Variants in WNK3 observed in about 807,000 individuals in gnomAD.
The protein encoded by WNK3 is WNK lysine deficient protein kinase 3, also known as serine/threonine-protein kinase WNK3.
WNK3 carries 18 observed loss-of-function variants against 116.7 expected under a neutral mutation model. That is an observed-to-expected ratio of 0.15 (90% CI 0.11 to 0.23). The LOEUF (loss-of-function observed/expected upper bound fraction) is 0.23, where lower values mean the gene tolerates loss of function less well. Among genes scored for constraint, WNK3 ranks in the 10% least tolerant of loss-of-function variants. The pLI, the probability that WNK3 is intolerant of heterozygous loss-of-function variation, is 1.00. For synonymous variants in WNK3, 404 were observed against 469.4 expected, an observed-to-expected ratio of 0.86 and a Z score of 1.80; for missense variants, 993 against 1,323.8, an observed-to-expected ratio of 0.75 and a Z score of 3.88.
chrX:54,194,540 C>T (rs1265735749), exon 24 of WNK3: 1 of 111,717 alleles, frequency 9.0e-6, no homozygotes, highest in Non-Finnish European at 1.9e-5. Context: ...CTAACTCCTA[C>T]ACCTAAATCC....
chrX:54,295,694 A>G (rs1259196839), intron 7 of WNK3, among the ~76,000 whole-genome samples: 1 of 111,158 alleles, frequency 9.0e-6, no homozygotes, highest in Non-Finnish European at 1.9e-5. Context: ...ATTTTATTTG[A>G]TTTGTTTTTG....
chrX:54,326,672 A>C (rs2069109540), intron 2 of WNK3, among the ~76,000 whole-genome samples: 2 of 110,878 alleles, frequency 1.8e-5, no homozygotes, highest in Non-Finnish European at 3.8e-5. Flanking sequence ...GCCTCTAAAA[A>C]AAAATAATAA....
At chrX:54,338,385 A>G (rs1694165118) in intron 1 of WNK3, among the ~76,000 whole-genome samples, 1 of 108,783 alleles carries the variant, frequency 9.2e-6, no homozygotes, top group African/African-American at 3.3e-5. Flanking sequence ...TCACGTCACC[A>G]CATTCCAGCC....
chrX:54,237,204 T>G (rs2067971609), exon 20 of WNK3: 4 of 1,210,541 alleles, frequency 3.3e-6, no homozygotes, highest in Middle Eastern at 4.6e-4. Context: ...TAAGCAACAG[T>G]TCAGATCCAG....
In WNK3 at chrX:54,239,134, AC is replaced by A; in HGVS notation, c.3652-36del. On this transcript the variant is annotated intron_variant, in intron 17 of 23. Coordinates refer to ENST00000354646, the Ensembl canonical transcript of WNK3. The stretch of plus-strand genomic sequence containing the variant: ...ACAAAACAAAACAAAACAAAACAAA[AC>A]AAAACAAAACAAAACAAAACAACCG... 3 of 902,803 alleles carry A rather than the reference AC, an allele frequency of 3.3e-6. No homozygotes were observed. In the South Asian group the frequency reaches 1.2e-4, roughly 35 times the overall value. The allele number at this position is 902,803 out of a possible 1,213,427, so 74.4% of individuals were successfully genotyped here.
chrX:54,345,025 G>A (rs1180496246), intron 1 of WNK3, among the ~76,000 whole-genome samples: 11 of 109,373 alleles, frequency 1.0e-4, no homozygotes, highest in East Asian at 2.9e-4. Context: ...CGAGGCGGGC[G>A]GATCACGAGG....
chrX:54,267,175 A>T (rs782809758), intron 10 of WNK3, among the ~76,000 whole-genome samples: 2 of 111,707 alleles, frequency 1.8e-5, no homozygotes, highest in Non-Finnish European at 3.8e-5. Context: ...TCAATGATAG[A>T]CTGGATAAAG....
intron 22 of WNK3, among the ~76,000 whole-genome samples, chrX:54,213,378 C>T (rs1276367282): frequency 9.3e-6 from 1 of 107,538 alleles, no homozygotes; most frequent in Non-Finnish European, 1.9e-5. Flanking sequence ...CATGGTGAAA[C>T]CGAGTCTCTA....
At position 54,248,887 on chromosome X, in the gene WNK3, G is replaced by T. The variant is rs1557153313; in HGVS notation, c.3461C>A (p.Ser1154Tyr). ...GGCTATGACTTCTGTCACTGGACAGGAGAGGGTATCTTCAGCAGAGGAAGA... is the reference window on the plus strand; with the variant it reads ...GGCTATGACTTCTGTCACTGGACAGTAGAGGGTATCTTCAGCAGAGGAAGA... Residue 1154 changes from serine to tyrosine, a missense_variant, in exon 17 of 24, where the codon TCC (serine) becomes TAC (tyrosine). Physicochemically the swap from Ser to Tyr is moderately radical, Grantham distance 144. This residue lies in a region of WNK3 where 836 missense variants were observed against 976.5 expected (regional missense o/e 0.86). Transcript: ENST00000354646. The T allele has an allele frequency of 4.1e-6, 5 of 1,209,965 alleles. No homozygotes were observed. The Admixed American group carries it at 6.6e-5, about 16-fold the overall frequency.
intron 17 of WNK3, among the ~76,000 whole-genome samples, chrX:54,246,239 T>C (rs1321405116): frequency 9.0e-6 from 1 of 110,825 alleles, no homozygotes; most frequent in Non-Finnish European, 1.9e-5. Context: ...CAAAAATAGG[T>C]TGCTATGAAA....
exon 24 of WNK3, chrX:54,197,952 TAAA>T (rs782069866): frequency 1.9e-3 from 165 of 86,921 alleles, no homozygotes; most frequent in Middle Eastern, 0.011. Flanking sequence ...TAGCAGCAGT[TAAA>T]AAAAAAAAAA....
chrX:54,341,627 G>A (rs1401542282), intron 1 of WNK3, among the ~76,000 whole-genome samples: 2 of 110,996 alleles, frequency 1.8e-5, no homozygotes, highest in African/African-American at 3.3e-5. Context: ...AAAAAGGAAT[G>A]GAGTATTGAT....
Position 54,213,976 on chromosome X carries a change from G to GA in WNK3, c.4871-11784dup, listed in dbSNP as rs1176303011. Among the ~76,000 whole-genome samples, 11 of 109,416 alleles carry GA rather than the reference G, an allele frequency of 1.0e-4. No individual in the cohort carries two copies. The East Asian group carries it at 1.7e-3, about 17-fold the overall frequency. On this transcript the variant is annotated intron_variant, in intron 22 of 23. Transcript: ENST00000354646. ...CTATTGAAGAGTTTGATTTATTTTT[G>GA]AAAAAAAAATTTTTTTTTGAGATGG...
Position 54,306,965 on chromosome X carries a change from C to T in WNK3, c.1089+957G>A, listed in dbSNP as rs782553815. Among the ~76,000 whole-genome samples, 5 of 110,051 alleles carry T rather than the reference C, an allele frequency of 4.5e-5. No homozygotes were observed. The South Asian group carries it at 1.6e-3, about 35-fold the overall frequency. ...TTAATTTTGGCCAGGCGCGGTGGCTCACACCTGTAATCCCAGCACTTTGGG... is the reference window on the plus strand; with the variant it reads ...TTAATTTTGGCCAGGCGCGGTGGCTTACACCTGTAATCCCAGCACTTTGGG... On this transcript the variant is annotated intron_variant, in intron 5 of 23. Coordinates refer to ENST00000354646, the Ensembl canonical transcript of WNK3.
chrX:54,255,458 A>G (rs2068181609), intron 12 of WNK3, among the ~76,000 whole-genome samples: 1 of 112,224 alleles, frequency 8.9e-6, no homozygotes. Flanking sequence ...TCAATAATGT[A>G]AAACACTACA....
At chrX:54,323,425 C>T (rs1280506236) in intron 2 of WNK3, among the ~76,000 whole-genome samples, 2 of 110,550 alleles carry the variant, frequency 1.8e-5, no homozygotes, top group East Asian at 5.7e-4. Context: ...TTTGGGAGGC[C>T]GAGGCAGGAG....
At chrX:54,251,217 C>A (rs1043537670) in intron 15 of WNK3, among the ~76,000 whole-genome samples, 182 bp downstream of exon 15, 2 of 111,726 alleles carry the variant, frequency 1.8e-5, no homozygotes, top group South Asian at 7.5e-4. Flanking sequence ...AAAGAACCAA[C>A]ACTTGGGGAA....
intron 22 of WNK3, among the ~76,000 whole-genome samples, chrX:54,202,965 G>A (rs1557142007): frequency 9.0e-6 from 1 of 111,423 alleles, no homozygotes; most frequent in Non-Finnish European, 1.9e-5. Flanking sequence ...ATTACCAGCA[G>A]AGACAGGCCT....
At chrX:54,243,420 CAAAAAA>C (rs782696727) in intron 17 of WNK3, among the ~76,000 whole-genome samples, 1 of 16,840 alleles carries the variant, frequency 5.9e-5, no homozygotes, top group African/African-American at 1.8e-4. Flanking sequence ...GACTCCGTCT[CAAAAAA>C]AAAAAAAAAA....
Sources: allele counts gnomAD v4.1 joint callset (sites outside exome capture counted in the v4.1 genomes callset), GRCh38; gene constraint gnomAD v4.1.1; regional missense constraint gnomAD v4.1.1; transcripts MANE v1.5; gene names NCBI Gene and HGNC (gene_info 2026-07-23, HGNC 2026-07-21).